Variants in TSHZ2 observed in about 807,000 individuals in gnomAD.
The protein encoded by TSHZ2 is teashirt zinc finger homeobox 2, also known as teashirt homolog 2.
In TSHZ2, 21 loss-of-function variants were observed where a neutral mutation model predicts 74.4. The ratio of observed to expected loss-of-function variants is 0.28; its 90% CI spans 0.20 to 0.41. TSHZ2 has a LOEUF of 0.41. Among genes scored for constraint, TSHZ2 ranks in the 10% least tolerant of loss-of-function variants. The probability of loss-of-function intolerance (pLI) is 1.00; values close to 1 mark genes in which losing one functional copy is unlikely to be tolerated. For synonymous variants in TSHZ2, 540 were observed against 515.3 expected (o/e 1.05, Z -0.65); for missense variants, 1,244 against 1,293.5 (o/e 0.96, Z 0.59).
chr20:53,015,035 C>T (rs997229421), intron 1 of TSHZ2, among the ~76,000 whole-genome samples: 3 of 152,202 alleles, frequency 2.0e-5, no homozygotes, highest in Admixed American at 6.5e-5. Context: ...TTGCCCCACA[C>T]TGCATGGTGG....
intron 1 of TSHZ2, among the ~76,000 whole-genome samples, chr20:53,238,836 T>TAAAAA (rs746136673): frequency 4.5e-5 from 3 of 66,010 alleles, no homozygotes; most frequent in Admixed American, 1.8e-4. Context: ...ATCTTATATC[T>TAAAAA]AAAAAAAAAA....
chr20:53,286,291 T>A (rs1035003147), intron 2 of TSHZ2, among the ~76,000 whole-genome samples: 2 of 152,236 alleles, frequency 1.3e-5, no homozygotes. Context: ...GTCATGAGGC[T>A]TTGTGAGGCA....
chr20:53,096,857 G>A (rs1286632193), intron 1 of TSHZ2, among the ~76,000 whole-genome samples: 1 of 151,508 alleles, frequency 6.6e-6, no homozygotes, highest in Non-Finnish European at 1.5e-5. Context: ...ACTCCAGCCT[G>A]GGAGATAAGA....
At chr20:53,261,266 A>G (rs781598140) in intron 2 of TSHZ2, among the ~76,000 whole-genome samples, 11 of 152,198 alleles carry the variant, frequency 7.2e-5, no homozygotes, top group Non-Finnish European at 1.5e-5. Context: ...GGCTCCAGCT[A>G]TCAAACATTG....
chr20:53,015,899 C>A (rs1408740615), intron 1 of TSHZ2, among the ~76,000 whole-genome samples: 2 of 152,064 alleles, frequency 1.3e-5, no homozygotes, highest in East Asian at 3.9e-4. Flanking sequence ...AGGGCAGCAC[C>A]TATCTGTGTC....
At chr20:52,997,458 C>T (rs539521914) in intron 1 of TSHZ2, among the ~76,000 whole-genome samples, 320 of 152,186 alleles carry the variant, frequency 2.1e-3, no homozygotes, top group Non-Finnish European at 3.8e-3. Context: ...GAATATGAGA[C>T]GAATTCGTGT....
At chr20:53,272,941 G>A (rs997965849) in intron 2 of TSHZ2, among the ~76,000 whole-genome samples, 4 of 152,202 alleles carry the variant, frequency 2.6e-5, no homozygotes, top group Non-Finnish European at 4.4e-5. Context: ...AAGGAAATAT[G>A]GGGTAGTGCA....
intron 2 of TSHZ2, among the ~76,000 whole-genome samples, chr20:53,405,924 G>A (rs1419621132): frequency 2.0e-5 from 3 of 152,056 alleles, no homozygotes; most frequent in African/African-American, 7.2e-5. Context: ...TTGAGCCCAG[G>A]GGGCAGAGGT....
intron 1 of TSHZ2, among the ~76,000 whole-genome samples, chr20:53,132,241 G>A (rs1987123815): frequency 6.6e-6 from 1 of 151,984 alleles, no homozygotes. Context: ...TCAAGGGTCA[G>A]CTTATATGTC....
intron 2 of TSHZ2, among the ~76,000 whole-genome samples, chr20:53,286,955 C>G (rs184189513): frequency 3.3e-5 from 5 of 151,082 alleles, no homozygotes; most frequent in African/African-American, 1.2e-4. Context: ...TGACCAGATG[C>G]CAGACCAAGG....
chr20:53,032,331 C>T (rs1161162826), intron 1 of TSHZ2, among the ~76,000 whole-genome samples: 6 of 152,238 alleles, frequency 3.9e-5, no homozygotes, highest in Non-Finnish European at 8.8e-5. Context: ...TTGATGTTCT[C>T]CCATAGCCCC....
At position 53,332,793 on chromosome 20, in the gene TSHZ2, T is replaced by C. The variant is rs544767698; in HGVS notation, c.*8+76222T>C. On this transcript the variant is annotated intron_variant, in intron 2 of 2. Coordinates refer to ENST00000371497, the MANE Select transcript of TSHZ2 (RefSeq NM_173485.6). ...TGAGAAGGCGCAGAGACCTGATGCC[T>C]ATTTTCAAATCCTGGCAGATGCATT... Among the ~76,000 whole-genome samples the C allele has an allele frequency of 1.6e-4, 25 of 152,296 alleles. No individual in the cohort carries two copies. In the South Asian group the frequency reaches 5.2e-3, roughly 32 times the overall value.
At chr20:52,985,361 G>A (rs1437147179) in intron 1 of TSHZ2, among the ~76,000 whole-genome samples, 1 of 152,112 alleles carries the variant, frequency 6.6e-6, no homozygotes, top group Non-Finnish European at 1.5e-5. Flanking sequence ...GCTTAACACC[G>A]TGGTACTTGC....
chr20:53,346,318 T>C (rs184440298), intron 2 of TSHZ2, among the ~76,000 whole-genome samples: 1 of 152,294 alleles, frequency 6.6e-6, no homozygotes, highest in East Asian at 1.9e-4. Context: ...TTTTGATGGA[T>C]TGATTTATCA....
Position 53,342,955 on chromosome 20 carries a change from C to CTTTTTTTTTTTTTTTTTT in TSHZ2, c.*8+86396_*8+86413dup, listed in dbSNP as rs1175907478. Among the ~76,000 whole-genome samples the CTTTTTTTTTTTTTTTTTT allele has an allele frequency of 4.9e-4, 30 of 61,238 alleles. 4 individuals are homozygous for CTTTTTTTTTTTTTTTTTT. Among genetic ancestry groups the CTTTTTTTTTTTTTTTTTT allele is most frequent in the African/African-American group, 1.1e-3 (17 of 14,976 alleles). 40.2% of individuals were successfully genotyped at this position (61,238 alleles called of 152,430 possible). ...TATTTCTTTTCTTTTCTTTTCTTTT[C>CTTTTTTTTTTTTTTTTTT]TTTTTTTTTTTTTTTTTTTTTTTTT... On this transcript the variant is annotated intron_variant, in intron 2 of 2. Coordinates refer to ENST00000371497, the MANE Select transcript of TSHZ2 (RefSeq NM_173485.6).
chr20:53,093,988 G>GTT (rs10548699), intron 1 of TSHZ2, among the ~76,000 whole-genome samples: 4 of 145,482 alleles, frequency 2.7e-5, no homozygotes, highest in Admixed American at 1.4e-4. Flanking sequence ...TTTTGACTTA[G>GTT]TTTTTTTTTT....
intron 1 of TSHZ2, among the ~76,000 whole-genome samples, chr20:53,130,702 C>T (rs1987078561): frequency 6.6e-6 from 1 of 152,150 alleles, no homozygotes; most frequent in South Asian, 2.1e-4. Context: ...TGTTGAAGGG[C>T]AGTGTGGTTA....
chr20:53,047,769 C>A (rs1352507384), intron 1 of TSHZ2, among the ~76,000 whole-genome samples: 1 of 152,044 alleles, frequency 6.6e-6, no homozygotes. Flanking sequence ...AAGAGAGTGT[C>A]CTTATAATAA....
chr20:53,265,022 C>T (rs1010576703), intron 2 of TSHZ2, among the ~76,000 whole-genome samples: 68 of 152,058 alleles, frequency 4.5e-4, no homozygotes, highest in African/African-American at 1.6e-3. Context: ...CCACCGAAGG[C>T]GAGAGCAGGC....
Sources: gnomAD v4.1 joint callset for allele counts (sites outside exome capture counted in the v4.1 genomes callset) on GRCh38, gnomAD v4.1.1 for gene constraint, MANE v1.5 for transcripts, NCBI Gene and HGNC (gene_info 2026-07-23, HGNC 2026-07-21) for gene names.